Variants in DNAH17 observed in about 807,000 individuals in gnomAD.
DNAH17 encodes the protein axonemal beta dynein heavy chain 17.
A neutral mutation model predicts 485.6 loss-of-function variants in DNAH17; 376 were observed. The ratio of observed to expected loss-of-function variants is 0.77; its 90% CI spans 0.71 to 0.84. The LOEUF is 0.84. Among genes scored for constraint, DNAH17 ranks in the 40% least tolerant of loss-of-function variants. The pLI is 0.00. For missense variants in DNAH17, 6,370 were observed against 5,839.3 expected (o/e 1.09, Z -2.96); for synonymous variants, 3,031 against 2,405.9 (o/e 1.26, Z -7.60).
intron 56 of DNAH17, among the ~76,000 whole-genome samples, chr17:78,466,021 G>A (rs2088432419): frequency 1.3e-5 from 2 of 152,182 alleles, no homozygotes; most frequent in Non-Finnish European, 2.9e-5. Flanking sequence ...TTGAGAAATC[G>A]GATGGTTGCC....
In DNAH17 at chr17:78,546,004, G is replaced by A. The variant is rs535164164; in HGVS notation, c.2392-2007C>T. On this transcript the variant is annotated intron_variant, in intron 16 of 80. Coordinates refer to ENST00000389840, the MANE Select transcript of DNAH17 (RefSeq NM_173628.4). ...TTTTTTTTTCCTTTGAAACAGGGTC[G>A]TGCTTTGTCACTCAGGCTGGAGGGC... Among the ~76,000 whole-genome samples the A allele has an allele frequency of 9.3e-5, 14 of 151,102 alleles. 1 individual carries two copies. Among genetic ancestry groups the A allele is most frequent in the Admixed American group, 4.6e-4 (7 of 15,166 alleles).
At chr17:78,468,160 T>TA (rs34926462) in intron 55 of DNAH17, among the ~76,000 whole-genome samples, 79,358 of 150,342 alleles carry the variant, frequency 0.53, 22,082 homozygotes, top group East Asian at 0.69. Context: ...TGAAAATTGT[T>TA]AAAAAAAAAT....
chr17:78,509,610 G>A (rs961969475), intron 27 of DNAH17, among the ~76,000 whole-genome samples: 4 of 152,124 alleles, frequency 2.6e-5, no homozygotes, highest in Non-Finnish European at 4.4e-5. Context: ...GATTTGAACC[G>A]CAAAAGGAGT....
chr17:78,451,550 G>A lies in DNAH17; in HGVS notation c.10653C>T (p.Phe3551=), dbSNP rs766095966. The change falls in exon 66 of 81, where the codon TTC becomes TTT. Residue 3551 remains phenylalanine (F), a synonymous_variant. Coordinates refer to ENST00000389840, the MANE Select transcript of DNAH17 (RefSeq NM_173628.4). ...EMQAQCTLIN[F]LVTRDGLEDQ... ...CCTCGAGTCCATCCCTGGTGACCAG[G>A]AAGTTGATGAGGGTGCACTGAGCCT... The A allele has an allele frequency of 6.8e-6, 11 of 1,613,726 alleles. No individual in the cohort carries two copies. The highest frequency in any genetic ancestry group is 6.6e-5 in the South Asian group (6 of 91,086).
chr17:78,540,455 G>GTGGA (rs373354408), intron 17 of DNAH17, among the ~76,000 whole-genome samples: 2 of 18,614 alleles, frequency 1.1e-4, no homozygotes, highest in Admixed American at 4.7e-4. Flanking sequence ...GGATGGGTGG[G>GTGGA]TGGGTGGGTG....
intron 26 of DNAH17, among the ~76,000 whole-genome samples, chr17:78,514,092 C>A (rs557228869): frequency 2.0e-5 from 3 of 152,262 alleles, no homozygotes; most frequent in African/African-American, 7.2e-5. Context: ...AGGACCCTAG[C>A]GAAGCTGTTC....
At chr17:78,468,503 T>TCA in intron 55 of DNAH17, 114 bp downstream of exon 55, 1 of 1,354,830 alleles carries the variant, frequency 7.4e-7, no homozygotes, top group Non-Finnish European at 9.9e-7. Context: ...TAACAGGATT[T>TCA]CACATCCCAT....
At chr17:78,424,728 G>A (rs549851378) in intron 80 of DNAH17, among the ~76,000 whole-genome samples, 136 of 152,330 alleles carry the variant, frequency 8.9e-4, no homozygotes, top group African/African-American at 2.9e-3. Flanking sequence ...CACAGGTAAT[G>A]GGGTGACGTC....
At chr17:78,445,306 T>C (rs1022011084) in intron 70 of DNAH17, among the ~76,000 whole-genome samples, 2 of 152,164 alleles carry the variant, frequency 1.3e-5, no homozygotes, top group African/African-American at 4.8e-5. Context: ...CCAGAGGATA[T>C]CACTCTCTGC....
intron 11 of DNAH17, among the ~76,000 whole-genome samples, chr17:78,563,782 G>A (rs897279793): frequency 2.9e-4 from 44 of 152,134 alleles, no homozygotes; most frequent in Non-Finnish European, 5.4e-4. Context: ...CAACAAGGGA[G>A]AGAAACCCCA....
At chr17:78,558,776 G>A in intron 13 of DNAH17, among the ~76,000 whole-genome samples, 1 of 150,046 alleles carries the variant, frequency 6.7e-6, no homozygotes, top group Non-Finnish European at 1.5e-5. Flanking sequence ...TTTTCTCTCT[G>A]CTTTCACCCG....
chr17:78,460,965 C>G (rs967929328), intron 58 of DNAH17, among the ~76,000 whole-genome samples: 1 of 152,138 alleles, frequency 6.6e-6, no homozygotes, highest in African/African-American at 2.4e-5. Flanking sequence ...ACAAAAAAAG[C>G]ACCCAGGGAG....
At chr17:78,436,744 C>T (rs1300307723) in intron 74 of DNAH17, among the ~76,000 whole-genome samples, 1 of 152,072 alleles carries the variant, frequency 6.6e-6, no homozygotes, top group Admixed American at 6.6e-5. Context: ...ACTCGGGAGT[C>T]TGAGGCACAA....
At chr17:78,453,862 T>C (rs369141992) in intron 64 of DNAH17, among the ~76,000 whole-genome samples, 78 of 151,368 alleles carry the variant, frequency 5.2e-4, no homozygotes, top group Middle Eastern at 3.4e-3. Context: ...TAGGTTTTTT[T>C]TGTTTGTTTG....
chr17:78,444,830 T>C (rs1344515325), intron 70 of DNAH17, 33 bp from the exon 71 acceptor site: 1 of 1,533,018 alleles, frequency 6.5e-7, no homozygotes, highest in African/African-American at 1.4e-5. Context: ...CTGTGACTCT[T>C]CCCACTTACC....
chr17:78,476,831 G>A, intron 51 of DNAH17, 98 bp from the exon 52 acceptor site: 2 of 1,412,282 alleles, frequency 1.4e-6, no homozygotes, highest in African/African-American at 1.4e-5. Flanking sequence ...CTCCCCCGGG[G>A]CGAGGGGACC....
chr17:78,482,545 G>C (rs1245748252), intron 48 of DNAH17, among the ~76,000 whole-genome samples: 3 of 151,852 alleles, frequency 2.0e-5, no homozygotes, highest in African/African-American at 7.3e-5. Flanking sequence ...TCAATTTTTT[G>C]CCCTTCTGTG....
chr17:78,500,370 C>A lies in DNAH17; in HGVS notation c.5575G>T (p.Asp1859Tyr), dbSNP rs2090236818. ...AGTGKTETTK[D>Y]LGRALGTMVY... is the part of the protein sequence containing the mutation. ...ATGGTGCCCAGGGCTCTGCCCAGGTCCTTGGTCGTCTCAGTCTTGCCGGTC... is the reference window on the plus strand; with the variant it reads ...ATGGTGCCCAGGGCTCTGCCCAGGTACTTGGTCGTCTCAGTCTTGCCGGTC... The change falls in exon 36 of 81, where the codon GAC becomes TAC. Residue 1859 changes from aspartate (D) to tyrosine (Y), a missense_variant. Transcript: ENST00000389840. 1.2e-6 allele frequency: 2 copies of A among 1,612,408 alleles called. No individual in the cohort carries two copies. The highest frequency in any genetic ancestry group is 1.7e-6 in the Non-Finnish European group (2 of 1,179,446).
Position 78,545,064 on chromosome 17 carries a change from TC to T in DNAH17, c.2392-1068del, listed in dbSNP as rs199847096. 7.3e-3 allele frequency among the ~76,000 whole-genome samples: 1,053 copies of T among 144,846 alleles called. 32 individuals are homozygous for T. The East Asian group carries it at 0.073, about 10-fold the overall frequency. On this transcript the variant is annotated intron_variant, in intron 16 of 80. Coordinates refer to ENST00000389840, the MANE Select transcript of DNAH17 (RefSeq NM_173628.4). Reference sequence around the variant, plus strand: ...CTCACGGCTGCCTCTGTCACTCTTATCATTTACGGACTCTACATCATCAATT... The same window carrying T: ...CTCACGGCTGCCTCTGTCACTCTTATATTTACGGACTCTACATCATCAATT...
Sources: gnomAD v4.1 joint callset for allele counts (sites outside exome capture counted in the v4.1 genomes callset) on GRCh38, gnomAD v4.1.1 for gene constraint, MANE v1.5 for transcripts, NCBI Gene and HGNC (gene_info 2026-07-23, HGNC 2026-07-21) for gene names.